The following DCDC2C variants were observed in gnomAD, a reference collection of about 807,000 sequenced individuals.
DCDC2C encodes the protein doublecortin domain-containing protein 2C.
Under a neutral mutation model 45.0 loss-of-function variants are expected in DCDC2C, and 44 were observed. The ratio of observed to expected loss-of-function variants is 0.98; its 90% CI spans 0.77 to 1.26. The LOEUF (loss-of-function observed/expected upper bound fraction) is 1.26. DCDC2C is among the 50% of genes most tolerant of loss of function. DCDC2C has a pLI of 0.00. For synonymous variants in DCDC2C, 187 were observed against 178.8 expected (o/e 1.05, Z -0.37); for missense variants, 447 against 468.9 (o/e 0.95, Z 0.43).
At position 3,703,889 on chromosome 2, in the gene DCDC2C, G is replaced by C; in HGVS notation, c.138G>C (p.Leu46=). The change falls in exon 1 of 11, where the codon CTG becomes CTC. Residue 46 remains leucine, a synonymous_variant. Coordinates refer to ENST00000399143, the MANE Select transcript of DCDC2C (RefSeq NM_001287444.2). This position sits in a 1 kb window ranked among gnomAD's most constrained non-coding sequence, Gnocchi z 4.4. The part of the protein sequence containing the change: ...SRRRAATFEA[L]LEQLTEQVDV... ...GCCGCGCGGCCACCTTCGAGGCGCT[G>C]CTGGAGCAGCTCACGGAGCAGGTGG... 7.5e-7 allele frequency: 1 copy of C among 1,326,000 alleles called. No homozygotes were observed. Among genetic ancestry groups the C allele is most frequent in the Non-Finnish European group, 9.7e-7 (1 of 1,033,674 alleles). The allele number at this position is 1,326,000 out of a possible 1,614,324, so 82.1% of individuals were successfully genotyped here.
chr2:3,781,728 G>C (rs1264351769), intron 9 of DCDC2C, among the ~76,000 whole-genome samples: 1 of 152,116 alleles, frequency 6.6e-6, no homozygotes, highest in African/African-American at 2.4e-5. Context: ...AAGGTAGCCA[G>C]GTGCAGTGGT....
intron 6 of DCDC2C, among the ~76,000 whole-genome samples, chr2:3,764,053 T>C (rs980138216): frequency 1.3e-5 from 2 of 152,232 alleles, no homozygotes; most frequent in East Asian, 3.8e-4. Context: ...ATGAGCAGAC[T>C]AAATTAGAAT....
chr2:3,797,209 G>A (rs576890248), intron 10 of DCDC2C, among the ~76,000 whole-genome samples: 1 of 152,226 alleles, frequency 6.6e-6, no homozygotes, highest in Admixed American at 6.5e-5. Flanking sequence ...TAGGATTGGT[G>A]GTGATATCCC....
At chr2:3,798,702 A>G (rs1671028862) in intron 10 of DCDC2C, among the ~76,000 whole-genome samples, 1 of 150,680 alleles carries the variant, frequency 6.6e-6, no homozygotes, top group Non-Finnish European at 1.5e-5. Flanking sequence ...ATTGGCCCCC[A>G]CTCTCTTCTG....
At chr2:3,713,442 C>G (rs1558559106) in intron 2 of DCDC2C, among the ~76,000 whole-genome samples, 2 of 152,188 alleles carry the variant, frequency 1.3e-5, no homozygotes, top group Admixed American at 1.3e-4. Context: ...CTTCCCCCCT[C>G]TGCTGCTCCA....
At chr2:3,846,315 T>C (rs1378603489) in intron 10 of DCDC2C, among the ~76,000 whole-genome samples, 2 of 151,874 alleles carry the variant, frequency 1.3e-5, no homozygotes, top group African/African-American at 4.8e-5. Flanking sequence ...GGTCTCACTC[T>C]GTCGCTCAGG....
intron 10 of DCDC2C, among the ~76,000 whole-genome samples, chr2:3,841,770 G>A (rs922828195): frequency 1.3e-5 from 2 of 152,116 alleles, no homozygotes; most frequent in Non-Finnish European, 2.9e-5. Context: ...GAGTCGCTTC[G>A]CCCTCAGAGC....
At chr2:3,827,368 G>A (rs931892290) in intron 10 of DCDC2C, among the ~76,000 whole-genome samples, 3 of 152,176 alleles carry the variant, frequency 2.0e-5, no homozygotes, top group Admixed American at 6.5e-5. Flanking sequence ...TGGGACCGGG[G>A]AGACAGGAAC....
chr2:3,785,171 C>T lies in DCDC2C; in HGVS notation c.1065+71C>T, dbSNP rs943233118. 82 of 1,133,914 alleles carry T rather than the reference C, an allele frequency of 7.2e-5. 1 individual carries two copies. The African/African-American group carries it at 7.5e-4, about 10-fold the overall frequency. The allele number at this position is 1,133,914 out of a possible 1,614,324, so 70.2% of individuals were successfully genotyped here. A position where few individuals can be genotyped will look rare whatever the true frequency, so the allele number is the denominator to read the frequency against. On this transcript the variant is annotated intron_variant, in intron 10 of 10. Transcript: ENST00000399143. The stretch of plus-strand genomic sequence containing the variant: ...AAGACAGACCTAACAAGAGAATCCA[C>T]GGATCCCCAAATCTTCTCAGGTGCT...
chr2:3,779,326 C>T (rs930692317), intron 9 of DCDC2C, among the ~76,000 whole-genome samples: 33 of 152,162 alleles, frequency 2.2e-4, no homozygotes, highest in Non-Finnish European at 3.5e-4. Flanking sequence ...TGAGGGCGTG[C>T]GGTGCCTGTG....
rs189702501 is a variant in DCDC2C, at chr2:3,810,392, C to T, written c.1065+25292C>T. On this transcript the variant is annotated intron_variant, in intron 10 of 10. Transcript: ENST00000399143. ...ATTTGTTAGCCACATAAATGTCTTT[C>T]GAAAAGTGTCTGCTCATATCTTTTA... Among the ~76,000 whole-genome samples the T allele has an allele frequency of 5.5e-3, 831 of 152,074 alleles. 6 individuals are homozygous for T. The highest frequency in any genetic ancestry group is 0.019 in the African/African-American group (771 of 41,524).
At chr2:3,812,961 C>T (rs1048201242) in intron 10 of DCDC2C, among the ~76,000 whole-genome samples, 2 of 150,402 alleles carry the variant, frequency 1.3e-5, no homozygotes, top group African/African-American at 4.9e-5. Flanking sequence ...GATTTCAGTT[C>T]TTTTGCATTT....
intron 2 of DCDC2C, among the ~76,000 whole-genome samples, chr2:3,714,774 C>G (rs919542080): frequency 1.4e-4 from 22 of 152,226 alleles, no homozygotes; most frequent in Non-Finnish European, 2.9e-4. Flanking sequence ...CCAGGTGACT[C>G]AAGCTTAGGC....
chr2:3,830,541 C>G (rs1261179821), intron 10 of DCDC2C, among the ~76,000 whole-genome samples: 1 of 152,198 alleles, frequency 6.6e-6, no homozygotes, highest in Non-Finnish European at 1.5e-5. Context: ...TTGGTTCCAG[C>G]TCTTGGGAAA....
At chr2:3,760,936 C>G (rs1265304526) in intron 6 of DCDC2C, among the ~76,000 whole-genome samples, 1 of 152,086 alleles carries the variant, frequency 6.6e-6, no homozygotes, top group Non-Finnish European at 1.5e-5. Context: ...TTGAAAATAG[C>G]CTGCATTATT....
chr2:3,717,444 C>T (rs62106597), intron 2 of DCDC2C, among the ~76,000 whole-genome samples: 16,425 of 151,856 alleles, frequency 0.11, 1,129 homozygotes, highest in Non-Finnish European at 0.16. Context: ...CTCCCAGAAA[C>T]GCCCCCAGTC....
intron 2 of DCDC2C, among the ~76,000 whole-genome samples, chr2:3,720,098 A>G (rs1304719778): frequency 6.6e-6 from 1 of 152,220 alleles, no homozygotes; most frequent in Non-Finnish European, 1.5e-5. Context: ...ATGGGGAGGC[A>G]GCAGCTGTGG....
chr2:3,704,146 G>A (rs1667964389), intron 1 of DCDC2C, 108 bp downstream of exon 1: 2 of 1,038,546 alleles, frequency 1.9e-6, no homozygotes, highest in East Asian at 3.3e-5. Flanking sequence ...CTTCCCTCCC[G>A]GCTCGGGCGC....
chr2:3,742,818 G>A (rs1234335122), intron 4 of DCDC2C, among the ~76,000 whole-genome samples: 1 of 152,218 alleles, frequency 6.6e-6, no homozygotes, highest in Non-Finnish European at 1.5e-5. Flanking sequence ...TGAGGGAAGT[G>A]GCCAGCCCCA....
Sources: allele counts gnomAD v4.1 joint callset (sites outside exome capture counted in the v4.1 genomes callset), GRCh38; gene constraint gnomAD v4.1.1; non-coding constraint Gnocchi (gnomAD v3.1); transcripts MANE v1.5; gene names NCBI Gene and HGNC (gene_info 2026-07-23, HGNC 2026-07-21).